PDE8B: variants seen among roughly 807,000 people sequenced by gnomAD.
The protein encoded by PDE8B is high affinity cAMP-specific and IBMX-insensitive 3',5'-cyclic phosphodiesterase 8B.
In PDE8B, 26 loss-of-function variants were observed where a neutral mutation model predicts 101.3. The ratio of observed to expected loss-of-function variants is 0.26; its 90% confidence interval spans 0.19 to 0.36. The LOEUF (loss-of-function observed/expected upper bound fraction) is 0.36, where lower values mean the gene tolerates loss of function less well. PDE8B is among the 10% of genes least tolerant of loss of function. The pLI is 1.00. For missense variants in PDE8B, 810 were observed against 1,163.1 expected, an observed-to-expected ratio of 0.70 and a Z score of 4.42; for synonymous variants, 424 against 429.3, an observed-to-expected ratio of 0.99 and a Z score of 0.15.
the PDE8B span, among the ~76,000 whole-genome samples, chr5:77,201,197 C>T: frequency 6.6e-6 from 1 of 152,214 alleles, no homozygotes; most frequent in Non-Finnish European, 1.5e-5. Flanking sequence ...GAGCAAAAAA[C>T]TAGCATCACT....
At chr5:77,263,580 T>C (rs1200498885) in intron 1 of PDE8B, among the ~76,000 whole-genome samples, 1 of 152,162 alleles carries the variant, frequency 6.6e-6, no homozygotes, top group African/African-American at 2.4e-5. Context: ...AATAGGAGGA[T>C]TTGAAAACAT....
At chr5:77,099,472 G>T in the PDE8B span, among the ~76,000 whole-genome samples, 4 of 152,218 alleles carry the variant, frequency 2.6e-5, no homozygotes, top group Non-Finnish European at 5.9e-5. Flanking sequence ...CTCCAATGTG[G>T]TCTGCGGTTC....
the PDE8B span, among the ~76,000 whole-genome samples, chr5:77,160,044 G>A: frequency 6.6e-6 from 1 of 152,292 alleles, no homozygotes; most frequent in East Asian, 1.9e-4. Flanking sequence ...TTGCACCAGA[G>A]GTGATTTGAA....
chr5:77,291,157 T>G, intron 1 of PDE8B: 1 of 1,610,698 alleles, frequency 6.2e-7, no homozygotes, highest in Admixed American at 1.7e-5. Flanking sequence ...GCTGTGGGAA[T>G]AGCTGGCCAG....
the PDE8B span, among the ~76,000 whole-genome samples, chr5:77,150,213 A>C: frequency 6.6e-6 from 1 of 152,108 alleles, no homozygotes; most frequent in Non-Finnish European, 1.5e-5. Context: ...TGTAGACCCA[A>C]CCCATATTTT....
chr5:77,414,419 T>A (rs1172957924), intron 17 of PDE8B, among the ~76,000 whole-genome samples: 4 of 152,160 alleles, frequency 2.6e-5, no homozygotes, highest in Non-Finnish European at 4.4e-5. Context: ...TCCTCTTTTT[T>A]AAAATTTTTT....
At chr5:77,391,182 T>C (rs2150919124) in intron 10 of PDE8B, among the ~76,000 whole-genome samples, 1 of 152,348 alleles carries the variant, frequency 6.6e-6, no homozygotes, top group South Asian at 2.1e-4. Flanking sequence ...AAAATTCTGA[T>C]TCTAGGAGAA....
intron 10 of PDE8B, among the ~76,000 whole-genome samples, chr5:77,365,680 G>A (rs1448150705): frequency 5.3e-5 from 8 of 152,352 alleles, no homozygotes; most frequent in African/African-American, 1.9e-4. Flanking sequence ...GGCTTTGTCA[G>A]GGCCAGGGAG....
At chr5:77,351,807 G>T (rs934779425) in intron 9 of PDE8B, among the ~76,000 whole-genome samples, 7 of 152,060 alleles carry the variant, frequency 4.6e-5, no homozygotes, top group Admixed American at 3.9e-4. Flanking sequence ...TCAACACCAG[G>T]TTCATAGCTT....
chr5:77,422,956 A>T (rs1797001947), intron 20 of PDE8B, among the ~76,000 whole-genome samples: 1 of 152,156 alleles, frequency 6.6e-6, no homozygotes, highest in South Asian at 2.1e-4. Context: ...GCTTCTAATG[A>T]TCCATGGCTC....
chr5:77,168,237 A>G, the PDE8B span, among the ~76,000 whole-genome samples: 1 of 152,122 alleles, frequency 6.6e-6, no homozygotes, highest in African/African-American at 2.4e-5. Flanking sequence ...AAGGAGTAAC[A>G]CTCTGACAGG....
the PDE8B span, among the ~76,000 whole-genome samples, chr5:77,182,445 G>A: frequency 6.6e-6 from 1 of 152,088 alleles, no homozygotes. Context: ...TTTGAGCTTG[G>A]TTATATAATC....
In PDE8B at chr5:77,368,139, C is replaced by A. The variant is rs72766975; in HGVS notation, c.1167+14733C>A. Among the ~76,000 whole-genome samples, 231 of 152,320 alleles carry A rather than the reference C, an allele frequency of 1.5e-3. 1 individual carries two copies. Among genetic ancestry groups the A allele is most frequent in the Non-Finnish European group, 2.9e-3 (197 of 68,030 alleles). On this transcript the variant is annotated intron_variant, in intron 10 of 21. Coordinates refer to ENST00000264917, the MANE Select transcript of PDE8B (RefSeq NM_003719.5). ...AAGAAAGTGTAATTTTGTGTTTGGT[C>A]TTTCAAATCCATCTCTCTTATTCCT... is the stretch of plus-strand genomic sequence containing the variant.
intron 1 of PDE8B, chr5:77,290,292 C>T (rs1766992982): frequency 7.7e-6 from 12 of 1,549,972 alleles, no homozygotes; most frequent in Non-Finnish European, 9.7e-6. Context: ...CATCAATCAG[C>T]CCCAGTATGC....
intron 1 of PDE8B, among the ~76,000 whole-genome samples, chr5:77,218,438 C>T (rs1191019276): frequency 2.0e-5 from 3 of 152,148 alleles, no homozygotes; most frequent in East Asian, 1.9e-4. Context: ...CAAGAGGGTC[C>T]GAATGGTCTC....
In PDE8B at chr5:77,427,768, CTT is replaced by C. The variant is rs960149726; in HGVS notation, c.*1216_*1217del. 6.6e-6 allele frequency: 1 copy of C among 152,164 alleles called. No homozygotes were observed. The highest frequency in any genetic ancestry group is 2.4e-5 in the African/African-American group (1 of 41,440). The allele number at this position is 152,164 out of a possible 1,614,324, so 9.4% of individuals were successfully genotyped here. On this transcript the variant is annotated 3_prime_UTR_variant, in exon 22 of 22. Coordinates refer to ENST00000264917, the MANE Select transcript of PDE8B (RefSeq NM_003719.5). Reference sequence around the variant, plus strand: ...ACATAAAGTCAGACTCGAGATTTTCCTTTCTCTTTTACCAGCTGATCCTTCCT... The same window carrying C: ...ACATAAAGTCAGACTCGAGATTTTCCTCTCTTTTACCAGCTGATCCTTCCT...
At chr5:77,157,725 G>C in the PDE8B span, among the ~76,000 whole-genome samples, 72 of 152,300 alleles carry the variant, frequency 4.7e-4, no homozygotes, top group Non-Finnish European at 9.0e-4. Context: ...AGCTTAATTT[G>C]TGTTATGAAA....
intron 10 of PDE8B, among the ~76,000 whole-genome samples, chr5:77,363,218 A>G (rs560056890): frequency 1.1e-4 from 17 of 152,346 alleles, no homozygotes; most frequent in African/African-American, 4.1e-4. Context: ...TGAAGTGGTC[A>G]AGAAGCCTGT....
chr5:77,258,222 G>A (rs1409219106), intron 1 of PDE8B, among the ~76,000 whole-genome samples: 1 of 150,240 alleles, frequency 6.7e-6, no homozygotes, highest in African/African-American at 2.5e-5. Context: ...TGGGGAGGCG[G>A]AGGTTGTAGT....
Sources: allele counts gnomAD v4.1 joint callset (sites outside exome capture counted in the v4.1 genomes callset), GRCh38; gene constraint gnomAD v4.1.1; transcripts MANE v1.5; gene names NCBI Gene and HGNC (gene_info 2026-07-23, HGNC 2026-07-21).